PDE7B: variants seen among roughly 807,000 people sequenced by gnomAD.
The protein encoded by PDE7B is 3',5'-cyclic-AMP phosphodiesterase 7B.
In PDE7B, 29 loss-of-function variants were observed where a neutral mutation model predicts 56.2. That is an observed-to-expected ratio of 0.52 (90% CI 0.38 to 0.70). The LOEUF (loss-of-function observed/expected upper bound fraction) is 0.70. Ranked by LOEUF, PDE7B falls within the 30% of genes least tolerant of loss-of-function variation. The pLI, the probability that PDE7B is intolerant of heterozygous loss-of-function variation, is 0.00. For missense variants in PDE7B, 490 were observed against 565.0 expected, an observed-to-expected ratio of 0.87 and a Z score of 1.35; for synonymous variants, 197 against 196.9, an observed-to-expected ratio of 1.00 and a Z score of 0.00.
chr6:135,870,593 CTACATCACTA>C (rs1181741918), intron 1 of PDE7B, among the ~76,000 whole-genome samples: 7 of 151,466 alleles, frequency 4.6e-5, no homozygotes, highest in Admixed American at 4.6e-4. Flanking sequence ...GATTTTTGGC[CTACATCACTA>C]GGTGGTACCA....
chr6:136,149,177 A>G, intron 5 of PDE7B, 27 bp downstream of exon 5: 1 of 1,431,230 alleles, frequency 7.0e-7, no homozygotes, highest in South Asian at 1.1e-5. Flanking sequence ...AATTCTCACT[A>G]AAATATACAC....
intron 2 of PDE7B, among the ~76,000 whole-genome samples, chr6:135,980,172 G>A (rs569745323): frequency 2.1e-4 from 32 of 152,164 alleles, no homozygotes; most frequent in Admixed American, 8.5e-4. Context: ...ACAAACCTGA[G>A]AAAAACAAGC....
At chr6:135,921,814 C>T (rs190544926) in intron 1 of PDE7B, among the ~76,000 whole-genome samples, 4 of 152,208 alleles carry the variant, frequency 2.6e-5, no homozygotes, top group Admixed American at 1.3e-4. Flanking sequence ...ATCAGAGTCT[C>T]TTTCTACCCT....
intron 2 of PDE7B, among the ~76,000 whole-genome samples, chr6:136,007,641 C>G (rs572243429): frequency 1.5e-4 from 23 of 150,800 alleles, no homozygotes; most frequent in Non-Finnish European, 2.5e-4. Context: ...CAATAAATGT[C>G]CCTTTCTTGG....
intron 1 of PDE7B, among the ~76,000 whole-genome samples, chr6:135,904,096 T>C (rs1776054430): frequency 6.6e-6 from 1 of 152,238 alleles, no homozygotes; most frequent in South Asian, 2.1e-4. Context: ...AAATGTCTTA[T>C]TTATATTCAA....
chr6:135,906,829 T>TTTTTTTTTGTTTTTTTTTTTTTTTG (rs1562434158), intron 1 of PDE7B, among the ~76,000 whole-genome samples: 2 of 142,602 alleles, frequency 1.4e-5, no homozygotes, highest in African/African-American at 5.7e-5. Flanking sequence ...TTTTTTTTTT[T>TTTTTTTTTGTTTTTTTTTTTTTTTG]TTTTTTTAAT....
At chr6:136,012,149 A>G (rs571493247) in intron 2 of PDE7B, among the ~76,000 whole-genome samples, 17 of 151,328 alleles carry the variant, frequency 1.1e-4, no homozygotes, top group African/African-American at 3.6e-4. Context: ...CAGAGCACCC[A>G]CTCCCTTCCC....
At position 136,193,959 on chromosome 6, in the gene PDE7B, G is replaced by A. The variant is rs1191074999; in HGVS notation, c.*2119G>A. ...TGGGTAAGAAGGGAGGTTGTGGAAAGTTAACACTAGCTTTGTATTTTTTTT... is the reference window on the plus strand; with the variant it reads ...TGGGTAAGAAGGGAGGTTGTGGAAAATTAACACTAGCTTTGTATTTTTTTT... On this transcript the variant is annotated 3_prime_UTR_variant, in exon 13 of 13. Coordinates refer to ENST00000308191, the MANE Select transcript of PDE7B (RefSeq NM_018945.4). The A allele has an allele frequency of 2.0e-5, 3 of 152,152 alleles. No homozygotes were observed. The highest frequency in any genetic ancestry group is 4.4e-5 in the Non-Finnish European group (3 of 68,030). The allele number at this position is 152,152 out of a possible 1,614,324, so 9.4% of individuals were successfully genotyped here.
chr6:136,043,624 A>T (rs990042497), intron 2 of PDE7B, among the ~76,000 whole-genome samples: 1 of 150,014 alleles, frequency 6.7e-6, no homozygotes, highest in African/African-American at 2.5e-5. Context: ...AAGTTCCACC[A>T]CACTCTCAGT....
At chr6:136,082,377 GTC>G (rs1327500591) in intron 2 of PDE7B, among the ~76,000 whole-genome samples, 2 of 152,172 alleles carry the variant, frequency 1.3e-5, no homozygotes, top group African/African-American at 4.8e-5. Context: ...GAGCAAACCT[GTC>G]TCTCTCTAAA....
At chr6:136,129,953 G>A (rs981772695) in intron 3 of PDE7B, among the ~76,000 whole-genome samples, 2 of 152,126 alleles carry the variant, frequency 1.3e-5, no homozygotes, top group African/African-American at 4.8e-5. Flanking sequence ...TCCCCTGCCA[G>A]TTGCATCTCC....
intron 2 of PDE7B, among the ~76,000 whole-genome samples, chr6:136,028,099 G>A (rs1157430676): frequency 6.6e-6 from 1 of 152,148 alleles, no homozygotes; most frequent in East Asian, 1.9e-4. Context: ...GCGTAGGGCA[G>A]GCACAATTCA....
intron 1 of PDE7B, among the ~76,000 whole-genome samples, chr6:135,928,477 A>ATTTATT (rs1562442875): frequency 9.1e-6 from 1 of 110,126 alleles, no homozygotes; most frequent in African/African-American, 3.4e-5. Context: ...ATTTATATAT[A>ATTTATT]TATATTTATT....
At chr6:135,946,724 G>A (rs1471819043) in intron 1 of PDE7B, among the ~76,000 whole-genome samples, 1 of 152,012 alleles carries the variant, frequency 6.6e-6, no homozygotes, top group Non-Finnish European at 1.5e-5. Context: ...GCTTGCTCAT[G>A]TACTTTATCC....
At chr6:136,181,616 A>G (rs1779068616) in intron 11 of PDE7B, among the ~76,000 whole-genome samples, 1 of 152,232 alleles carries the variant, frequency 6.6e-6, no homozygotes, top group Non-Finnish European at 1.5e-5. Context: ...TGGATATAAG[A>G]ATGTGTGGGA....
chr6:136,121,951 AG>A (rs1054749684), intron 3 of PDE7B, among the ~76,000 whole-genome samples: 3 of 152,188 alleles, frequency 2.0e-5, no homozygotes, highest in African/African-American at 7.2e-5. Flanking sequence ...CTAAATGTTA[AG>A]GGTTGGTTAG....
intron 1 of PDE7B, among the ~76,000 whole-genome samples, chr6:135,937,839 C>T (rs1774447637): frequency 6.6e-6 from 1 of 152,202 alleles, no homozygotes; most frequent in Admixed American, 6.5e-5. Flanking sequence ...GCAAAATCTT[C>T]CCCTCATAAA....
intron 2 of PDE7B, among the ~76,000 whole-genome samples, chr6:135,956,138 G>C (rs145569792): frequency 6.6e-6 from 1 of 152,258 alleles, no homozygotes; most frequent in East Asian, 1.9e-4. Context: ...AACTAGGTAG[G>C]AGACTAAAAT....
chr6:135,952,446 G>A (rs922288834), intron 2 of PDE7B, among the ~76,000 whole-genome samples: 3 of 152,130 alleles, frequency 2.0e-5, no homozygotes, highest in Admixed American at 1.3e-4. Flanking sequence ...CTACAAGGTC[G>A]TGTGCTTAGC....
Sources: gnomAD v4.1 joint callset for allele counts (sites outside exome capture counted in the v4.1 genomes callset) on GRCh38, gnomAD v4.1.1 for gene constraint, MANE v1.5 for transcripts, NCBI Gene and HGNC (gene_info 2026-07-23, HGNC 2026-07-21) for gene names.